SNHG17: variants seen among roughly 807,000 people sequenced by gnomAD.
SNHG17 encodes small nucleolar RNA host gene 17 (non-protein coding).
At chr20:38,429,837 G>A (rs1356030659) in intron 3 of SNHG17, 1 of 512,850 alleles carries the variant, frequency 1.9e-6, no homozygotes, top group Non-Finnish European at 3.9e-6. Context: ...CAGAAAGGAG[G>A]CCAATGCTGG....
intron 3 of SNHG17, chr20:38,428,575 G>C (rs1423534197): frequency 2.6e-5 from 4 of 152,216 alleles, no homozygotes; most frequent in Non-Finnish European, 5.9e-5. Context: ...CTTCTTTTAG[G>C]AATGAAATAG....
chr20:38,428,666 A>G lies in SNHG17; in HGVS notation n.381-2163T>C, dbSNP rs538892583. 3.3e-4 allele frequency: 50 copies of G among 152,338 alleles called. 1 individual carries two copies. The highest frequency in any genetic ancestry group is 8.7e-4 in the African/African-American group (36 of 41,556). The allele number at this position is 152,338 out of a possible 1,614,324, so 9.4% of individuals were successfully genotyped here. On this transcript the variant is annotated intron_variant and non_coding_transcript_variant, in intron 3 of 8. Coordinates refer to ENST00000654008, the Ensembl canonical transcript of SNHG17. Reference sequence around the variant, plus strand: ...TTCATCTGTCAGGCCAACTGTTACTAAGTTCAAGAGGATGCTGGGGCCATG... The same window carrying G: ...TTCATCTGTCAGGCCAACTGTTACTGAGTTCAAGAGGATGCTGGGGCCATG...
intron 3 of SNHG17, among the ~76,000 whole-genome samples, chr20:38,430,054 C>T (rs1312369719): frequency 1.3e-5 from 2 of 152,194 alleles, no homozygotes; most frequent in Admixed American, 6.5e-5. Context: ...CAGTGGCTCA[C>T]GCCTGTAATC....
intron 2 of SNHG17, chr20:38,431,962 G>A: frequency 1.0e-6 from 1 of 983,220 alleles, no homozygotes; most frequent in Non-Finnish European, 1.2e-6. Flanking sequence ...ACCCTTGTGG[G>A]ACACAAAGCC....
chr20:38,433,736 A>T, intron 2 of SNHG17: 1 of 480,696 alleles, frequency 2.1e-6, no homozygotes, highest in Non-Finnish European at 4.2e-6. Context: ...ACCAATCCTG[A>T]GGCAGGGACT....
intron 3 of SNHG17, chr20:38,429,186 A>C (rs1323760814): frequency 1.3e-5 from 2 of 153,210 alleles, no homozygotes; most frequent in Non-Finnish European, 2.9e-5. Flanking sequence ...CTCCTGCCTC[A>C]GCCTCCTGAG....
At chr20:38,435,176 T>A (rs912311464) in intron 1 of SNHG17, 17 of 1,232,212 alleles carry the variant, frequency 1.4e-5, no homozygotes, top group Non-Finnish European at 1.7e-5. Flanking sequence ...GAGCCGACCA[T>A]GCGCCCTGCT....
At chr20:38,423,051 C>G (rs1278109183) in intron 5 of SNHG17, among the ~76,000 whole-genome samples, 3 of 150,780 alleles carry the variant, frequency 2.0e-5, no homozygotes, top group Non-Finnish European at 4.4e-5. Flanking sequence ...GAGATCGCAC[C>G]ACTGCACTCC....
At chr20:38,425,055 C>G in intron 5 of SNHG17, 1 of 349,868 alleles carries the variant, frequency 2.9e-6, no homozygotes, top group Non-Finnish European at 5.8e-6. Flanking sequence ...CCCTCAAGTT[C>G]CCCAGATAAA....
At chr20:38,427,329 C>T (rs755663021) in intron 3 of SNHG17, 3 of 512,834 alleles carry the variant, frequency 5.8e-6, no homozygotes, top group East Asian at 5.6e-5. Flanking sequence ...CTTCAGGGTT[C>T]GGATGGGATA....
chr20:38,434,909 GC>G lies in SNHG17; in HGVS notation n.186-284del, dbSNP rs146453238. ...GGGGGCGGGCAGCTAAAGTCGCCGA[GC>G]CCTGTTTCCCGCCATCCAGGGGCAC... On this transcript the variant is annotated intron_variant and non_coding_transcript_variant, in intron 1 of 8. Transcript: ENST00000654008. 1,763 of 1,222,116 alleles carry G rather than the reference GC, an allele frequency of 1.4e-3. 20 individuals carry two copies. In the African/African-American group the frequency reaches 0.024, roughly 16 times the overall value. 75.7% of individuals were successfully genotyped at this position (1,222,116 alleles called of 1,614,324 possible).
chr20:38,433,099 T>C lies in SNHG17; in HGVS notation n.308+1405A>G, dbSNP rs533905624. On this transcript the variant is annotated intron_variant and non_coding_transcript_variant, in intron 2 of 8. Coordinates refer to ENST00000654008, the Ensembl canonical transcript of SNHG17. ...GCGATTCTGGTGTGCCTCAGCCTCC[T>C]GAGTAGCTGGAATTATAGGCGTGTG... Among the ~76,000 whole-genome samples the C allele has an allele frequency of 1.3e-3, 191 of 152,210 alleles. 1 individual carries two copies. In the Middle Eastern group the frequency reaches 0.014, roughly 11 times the overall value.
At chr20:38,423,829 T>C (rs894967429) in intron 5 of SNHG17, among the ~76,000 whole-genome samples, 4 of 152,190 alleles carry the variant, frequency 2.6e-5, no homozygotes, top group African/African-American at 9.7e-5. Flanking sequence ...ATCTGTCCCA[T>C]TATTCTATAA....
chr20:38,435,044 G>A (rs544934629), intron 1 of SNHG17: 4 of 1,231,350 alleles, frequency 3.2e-6, no homozygotes, highest in Admixed American at 4.2e-5. Context: ...TGTCTTTCCC[G>A]AGGACACGCG....
In SNHG17 at chr20:38,425,060, G is replaced by T. The variant is rs113798301; in HGVS notation, n.579+875C>A. 5.1e-3 allele frequency: 1,832 copies of T among 361,488 alleles called. 10 individuals are homozygous for T. The Middle Eastern group carries it at 0.051, about 10-fold the overall frequency. 22.4% of individuals were successfully genotyped at this position (361,488 alleles called of 1,614,324 possible). ...CTGCTGACTGCCCTCAAGTTCCCCAGATAAACCCTGTTTCCTTCACTGGCT... is the reference window on the plus strand; with the variant it reads ...CTGCTGACTGCCCTCAAGTTCCCCATATAAACCCTGTTTCCTTCACTGGCT... On this transcript the variant is annotated intron_variant and non_coding_transcript_variant, in intron 5 of 8. Transcript: ENST00000654008.
At chr20:38,434,842 G>A in intron 1 of SNHG17, 1 of 985,430 alleles carries the variant, frequency 1.0e-6, no homozygotes, top group Non-Finnish European at 1.2e-6. Flanking sequence ...CACTTTGTAG[G>A]CAACAGTCAA....
At chr20:38,428,578 TG>T (rs1483654569) in intron 3 of SNHG17, 1 of 152,228 alleles carries the variant, frequency 6.6e-6, no homozygotes, top group Non-Finnish European at 1.5e-5. Context: ...CTTTTAGGAA[TG>T]AAATAGCAGC....
chr20:38,432,247 GAGA>G (rs1399372673), intron 2 of SNHG17: 6 of 807,940 alleles, frequency 7.4e-6, no homozygotes, highest in Non-Finnish European at 7.5e-6. Context: ...AGTTCATCTA[GAGA>G]AGAACCAGTC....
chr20:38,426,995 TACACACACACACACACACACACACAC>T (rs765781057), intron 3 of SNHG17, among the ~76,000 whole-genome samples: 6 of 125,580 alleles, frequency 4.8e-5, no homozygotes, highest in East Asian at 2.6e-4. Context: ...AAGTTACACA[TACACACACACACACACACACACACAC>T]ACACACACAC....
Sources: gnomAD v4.1 joint callset for allele counts (sites outside exome capture counted in the v4.1 genomes callset) on GRCh38, gnomAD v4.1.1 for gene constraint, MANE v1.5 for transcripts, NCBI Gene and HGNC (gene_info 2026-07-23, HGNC 2026-07-21) for gene names.